SPI1: variants seen among roughly 807,000 people sequenced by gnomAD.
SPI1 encodes the protein Spi-1 proto-oncogene.
SPI1 carries 3 observed loss-of-function variants against 30.7 expected under a neutral mutation model. The observed-to-expected ratio is 0.10, with a 90% CI of 0.04 to 0.25. The LOEUF is 0.25. Ranked by LOEUF, SPI1 falls within the 10% of genes least tolerant of loss-of-function variation. The pLI, the probability that SPI1 is intolerant of heterozygous loss-of-function variation, is 1.00. For synonymous variants in SPI1, 169 were observed against 157.1 expected (o/e 1.08, Z -0.56); for missense variants, 261 against 371.5 (o/e 0.70, Z 2.45).
chr11:47,367,037 T>G (rs912830386), intron 2 of SPI1, among the ~76,000 whole-genome samples: 4 of 152,158 alleles, frequency 2.6e-5, no homozygotes, highest in African/African-American at 7.2e-5. Context: ...TAGTATATAT[T>G]TATTAGATGG....
chr11:47,355,684 C>T (rs2095907122), intron 4 of SPI1, 138 bp from the exon 5 acceptor site: 3 of 673,242 alleles, frequency 4.5e-6, no homozygotes, highest in East Asian at 2.8e-5. Flanking sequence ...CCGCGCCGGG[C>T]GTGCATACAC....
intron 4 of SPI1, 92 bp from the exon 5 acceptor site, chr11:47,355,638 G>A (rs901344539): frequency 2.3e-5 from 27 of 1,181,396 alleles, no homozygotes; most frequent in Non-Finnish European, 3.5e-6. Flanking sequence ...CCGGGGACGG[G>A]GTGGCCGGGA....
chr11:47,371,606 G>T (rs1328399017), intron 2 of SPI1, among the ~76,000 whole-genome samples: 1 of 149,650 alleles, frequency 6.7e-6, no homozygotes, highest in Non-Finnish European at 1.5e-5. Context: ...GCCAGAGGTT[G>T]CAGTGAGCCA....
rs3048195 is a variant in SPI1 at position 47,369,560 on chromosome 11, G to GAA, written c.142+6071_142+6072dup. Among the ~76,000 whole-genome samples the GAA allele has an allele frequency of 3.8e-3, 528 of 137,476 alleles. 4 individuals carry two copies. The highest frequency in any genetic ancestry group is 8.2e-3 in the African/African-American group (302 of 36,968). 90.2% of individuals were successfully genotyped at this position (137,476 alleles called of 152,430 possible). A position where few individuals can be genotyped will look rare whatever the true frequency, so the allele number is the denominator to read the frequency against. On this transcript the variant is annotated intron_variant, in intron 2 of 4. Coordinates refer to ENST00000378538, the MANE Select transcript of SPI1 (RefSeq NM_003120.3). ...AGAAAGAAAACAAAAGAGAGAGAGAGAAAAAAAAAAAACAACAAATGAAAC... is the reference window on the plus strand; with the variant it reads ...AGAAAGAAAACAAAAGAGAGAGAGAGAAAAAAAAAAAAAACAACAAATGAAAC...
intron 4 of SPI1, 130 bp downstream of exon 4, chr11:47,358,714 C>G: frequency 1.1e-6 from 1 of 940,256 alleles, no homozygotes; most frequent in Non-Finnish European, 1.7e-6. Flanking sequence ...AACACACACA[C>G]TGGCAAACAT....
intron 4 of SPI1, chr11:47,358,642 A>G (rs1296361066): frequency 1.4e-6 from 1 of 709,118 alleles, no homozygotes; most frequent in Admixed American, 2.0e-5. Flanking sequence ...CTTCATGGAG[A>G]TGCCCGTATG....
chr11:47,363,360 A>C (rs138818484), intron 2 of SPI1, among the ~76,000 whole-genome samples: 2 of 152,022 alleles, frequency 1.3e-5, no homozygotes, highest in Non-Finnish European at 2.9e-5. Flanking sequence ...GTCTCTACTG[A>C]AAATACAAAA....
rs752451616 is a variant in SPI1 at position 47,375,612 on chromosome 11, C to T, written c.142+21G>A. 22 of 1,586,094 alleles carry T rather than the reference C, an allele frequency of 1.4e-5. No individual in the cohort carries two copies. The highest frequency in any genetic ancestry group is 2.7e-5 in the African/African-American group (2 of 74,282). On this transcript the variant is annotated intron_variant, in intron 2 of 4. Coordinates refer to ENST00000378538, the MANE Select transcript of SPI1 (RefSeq NM_003120.3). The surrounding 1 kb of genome is among the most constrained non-coding windows in gnomAD (Gnocchi z 4.2). Reference sequence around the variant, plus strand: ...CCCAGGCTGGGCTGGGGGATGGGGGCGTGGCAGGCCCCGTACTCACCGCTA... The same window carrying T: ...CCCAGGCTGGGCTGGGGGATGGGGGTGTGGCAGGCCCCGTACTCACCGCTA...
At chr11:47,360,840 G>A (rs1358103549) in intron 2 of SPI1, among the ~76,000 whole-genome samples, 1 of 147,282 alleles carries the variant, frequency 6.8e-6, no homozygotes, top group South Asian at 2.2e-4. Context: ...AAAAAAACTC[G>A]GCCGGGCGCA....
At chr11:47,362,644 C>T (rs959766583) in intron 2 of SPI1, among the ~76,000 whole-genome samples, 4 of 140,328 alleles carry the variant, frequency 2.9e-5, no homozygotes. Flanking sequence ...GGCACGATAT[C>T]GGCTCACTGC....
At position 47,369,618 on chromosome 11, in the gene SPI1, T is replaced by G. The variant is rs755397042; in HGVS notation, c.142+6015A>C. Among the ~76,000 whole-genome samples the G allele has an allele frequency of 6.7e-4, 100 of 148,704 alleles. 3 individuals carry two copies. The highest frequency in any genetic ancestry group is 2.7e-4 in the Non-Finnish European group (18 of 67,030). On this transcript the variant is annotated intron_variant, in intron 2 of 4. Coordinates refer to ENST00000378538, the MANE Select transcript of SPI1 (RefSeq NM_003120.3). The stretch of plus-strand genomic sequence containing the variant: ...AAGCTAGGTTAATTATAAAAGAAAT[T>G]TAAAGGAACATGGAGTGGTATCAGA...
chr11:47,378,419 T>C lies in SPI1; in HGVS notation c.-66A>G, dbSNP rs2095945337. The C allele has an allele frequency of 7.7e-6, 12 of 1,555,122 alleles. No individual in the cohort carries two copies. Among genetic ancestry groups the C allele is most frequent in the Admixed American group, 7.4e-5 (4 of 54,088 alleles). On this transcript the variant is annotated 5_prime_UTR_variant, in exon 1 of 5. Coordinates refer to ENST00000378538, the MANE Select transcript of SPI1 (RefSeq NM_003120.3). ...GGGGCCAATGCAGAGCCCCTCAGGA[T>C]GGGGTGCCCCGTCAGGGGCTGGACG...
chr11:47,369,961 T>G (rs1450089677), intron 2 of SPI1, among the ~76,000 whole-genome samples: 24 of 152,176 alleles, frequency 1.6e-4, no homozygotes, highest in Admixed American at 1.6e-3. Flanking sequence ...TCCTGTGAAG[T>G]TGGTATTGTC....
chr11:47,376,877 G>A (rs986261944), intron 1 of SPI1, among the ~76,000 whole-genome samples: 19 of 152,340 alleles, frequency 1.2e-4, no homozygotes, highest in Admixed American at 1.2e-3. Context: ...GGAGCTTGCA[G>A]AGAGGGCTGG....
In SPI1 at chr11:47,359,068, G is replaced by C; in HGVS notation, c.331-62C>G. On this transcript the variant is annotated intron_variant, in intron 3 of 4. Coordinates refer to ENST00000378538, the MANE Select transcript of SPI1 (RefSeq NM_003120.3). This position sits in a 1 kb window ranked among gnomAD's most constrained non-coding sequence, Gnocchi z 5.1. ...GCCAGCTTACAGCTCAGGGGGGCTG[G>C]GAGGGAGGTCAGCTGGGGAGAGAAG... The C allele has an allele frequency of 6.9e-7, 1 of 1,459,392 alleles. No individual in the cohort carries two copies. The allele number at this position is 1,459,392 out of a possible 1,614,324, so 90.4% of individuals were successfully genotyped here.
intron 2 of SPI1, among the ~76,000 whole-genome samples, chr11:47,370,472 G>A (rs1201709725): frequency 6.6e-6 from 1 of 151,734 alleles, no homozygotes; most frequent in Non-Finnish European, 1.5e-5. Context: ...GGGAGTCCGA[G>A]GCGGGCAGAT....
Position 47,355,041 on chromosome 11 carries a change from T to G in SPI1, c.*186A>C. The G allele has an allele frequency of 3.4e-6, 1 of 292,338 alleles. No homozygotes were observed. Among genetic ancestry groups the G allele is most frequent in the Non-Finnish European group, 5.2e-6 (1 of 194,086 alleles). The allele number at this position is 292,338 out of a possible 1,614,324, so 18.1% of individuals were successfully genotyped here. A position where few individuals can be genotyped will look rare whatever the true frequency, so the allele number is the denominator to read the frequency against. On this transcript the variant is annotated 3_prime_UTR_variant, in exon 5 of 5. Transcript: ENST00000378538. ...GCGTCCGGGAGCCGGGGTGGAGTCC[T>G]GGAGGGAGGCGAAGCGGGATGTGGA...
At chr11:47,367,047 G>A (rs1337570918) in intron 2 of SPI1, among the ~76,000 whole-genome samples, 1 of 152,136 alleles carries the variant, frequency 6.6e-6, no homozygotes, top group African/African-American at 2.4e-5. Context: ...TTATTAGATG[G>A]ATAGGCCAGT....
At chr11:47,357,912 A>G (rs1427653853) in intron 4 of SPI1, among the ~76,000 whole-genome samples, 1 of 151,676 alleles carries the variant, frequency 6.6e-6, no homozygotes, top group Non-Finnish European at 1.5e-5. Flanking sequence ...ACCTGCTTTC[A>G]CACATACACA....
Sources: gnomAD v4.1 joint callset for allele counts (sites outside exome capture counted in the v4.1 genomes callset) on GRCh38, gnomAD v4.1.1 for gene constraint, Gnocchi (gnomAD v3.1) non-coding constraint, MANE v1.5 for transcripts, NCBI Gene and HGNC (gene_info 2026-07-23, HGNC 2026-07-21) for gene names.